The following TPCN2 variants were observed in gnomAD, a reference collection of about 807,000 sequenced individuals.
The protein encoded by TPCN2 is two pore segment channel 2.
TPCN2 carries 92 observed loss-of-function variants against 111.4 expected under a neutral mutation model. That is an observed-to-expected ratio of 0.83 (90% CI 0.70 to 0.98). The LOEUF (loss-of-function observed/expected upper bound fraction) is 0.98, where lower values mean the gene tolerates loss of function less well. Among genes scored for constraint, TPCN2 ranks in the 50% least tolerant of loss-of-function variants. The pLI, the probability that TPCN2 is intolerant of heterozygous loss-of-function variation, is 0.00. For synonymous variants in TPCN2, 405 were observed against 414.5 expected (o/e 0.98, Z 0.28); for missense variants, 995 against 980.1 (o/e 1.02, Z -0.20).
intron 18 of TPCN2, among the ~76,000 whole-genome samples, chr11:69,083,017 CAT>C (rs1431762540): frequency 1.4e-5 from 2 of 145,520 alleles, no homozygotes; most frequent in South Asian, 2.2e-4. Context: ...TGTGTGCACA[CAT>C]CGCATGCAGA....
intron 20 of TPCN2, 25 bp downstream of exon 20, chr11:69,085,311 A>AG: frequency 1.3e-6 from 1 of 742,326 alleles, no homozygotes; most frequent in Non-Finnish European, 2.2e-6. Context: ...GAGGTGCCAC[A>AG]GGGAGTGTCT....
chr11:69,070,421 T>C lies in TPCN2; in HGVS notation c.830-9T>C. 1.9e-6 allele frequency: 3 copies of C among 1,608,814 alleles called. No individual in the cohort carries two copies. Among genetic ancestry groups the C allele is most frequent in the South Asian group, 2.2e-5 (2 of 91,010 alleles). On this transcript the variant is annotated splice_polypyrimidine_tract_variant and intron_variant, in intron 8 of 24. Transcript: ENST00000294309. Reference sequence around the variant, plus strand: ...GTTGTCAGTTTCTGTTATTTCTTTTTTCTTTTAGTGATGATTCCTGCGTAT... The same window carrying C: ...GTTGTCAGTTTCTGTTATTTCTTTTCTCTTTTAGTGATGATTCCTGCGTAT...
chr11:69,085,693 G>A lies in TPCN2; in HGVS notation c.1861G>A (p.Ala621Thr), dbSNP rs779088807. ...NSSLAPANGSAPCGSFEQLEY... is the reference protein window; with the variant it reads ...NSSLAPANGSTPCGSFEQLEY... ...CAGCCTGGCCCCTGCCAATGGCTCGGCGCCCTGTGGGAGCTTCGAGCAGCT... is the reference window on the plus strand; with the variant it reads ...CAGCCTGGCCCCTGCCAATGGCTCGACGCCCTGTGGGAGCTTCGAGCAGCT... The change falls in exon 21 of 25, where the codon GCG (alanine) becomes ACG (threonine). Residue 621 changes from alanine to threonine, a missense_variant. Ala to Thr is a moderately conservative substitution (Grantham distance 58). Transcript: ENST00000294309. The A allele has an allele frequency of 1.9e-6, 3 of 1,613,708 alleles. No individual in the cohort carries two copies. Among genetic ancestry groups the A allele is most frequent in the African/African-American group, 1.3e-5 (1 of 74,904 alleles).
rs1375743915 is a variant in TPCN2, at chr11:69,050,212, T to C, written c.109+1106T>C. Among the ~76,000 whole-genome samples the C allele has an allele frequency of 2.6e-5, 4 of 152,200 alleles. No homozygotes were observed. The East Asian group carries it at 7.7e-4, about 29-fold the overall frequency. ...GCCTCCAGGAAGTTCTTCAGGTGCT[T>C]CCTGGGACCAGTCAGGAAGGAGATC... On this transcript the variant is annotated intron_variant, in intron 1 of 24. Coordinates refer to ENST00000294309, the MANE Select transcript of TPCN2 (RefSeq NM_139075.4).
chr11:69,084,068 G>A (rs762267659), intron 19 of TPCN2, 52 bp downstream of exon 19: 2 of 1,586,896 alleles, frequency 1.3e-6, no homozygotes, highest in Admixed American at 3.3e-5. Flanking sequence ...GTGGGAGGCT[G>A]GGAGGCTGGC....
intron 6 of TPCN2, 21 bp from the exon 7 acceptor site, chr11:69,063,874 G>T (rs753156021): frequency 1.2e-6 from 2 of 1,612,802 alleles, no homozygotes; most frequent in South Asian, 1.1e-5. Context: ...GGCCCAGGCT[G>T]AGTGCCGTGC....
At chr11:69,049,247 T>A (rs964379830) in intron 1 of TPCN2, 141 bp downstream of exon 1, 1 of 495,474 alleles carries the variant, frequency 2.0e-6, no homozygotes, top group African/African-American at 2.0e-5. Context: ...CCGCGCCGGG[T>A]GCCAGGCGAG....
intron 13 of TPCN2, among the ~76,000 whole-genome samples, chr11:69,075,004 C>T (rs10792019): frequency 0.44 from 66,212 of 151,990 alleles, 14,833 homozygotes; most frequent in Non-Finnish European, 0.5. Context: ...GGAGGAAGGG[C>T]GGATGGATTG....
chr11:69,069,207 A>C (rs1855405088), intron 8 of TPCN2, among the ~76,000 whole-genome samples: 1 of 139,238 alleles, frequency 7.2e-6, no homozygotes, highest in Non-Finnish European at 1.5e-5. Context: ...CAGGGGGAGC[A>C]GGACCGTCTG....
rs142267067 is a variant in TPCN2, at chr11:69,080,582, G to T, written c.1589+699G>T. Among the ~76,000 whole-genome samples the T allele has an allele frequency of 9.1e-3, 1,381 of 152,342 alleles. 8 individuals are homozygous for T. The highest frequency in any genetic ancestry group is 0.016 in the Non-Finnish European group (1,060 of 68,032). ...CCAGCATGCCAGCCTCGGCCCTGTG[G>T]TTAGGCCGGGCTCCTTGGGTCTCTG... On this transcript the variant is annotated intron_variant, in intron 17 of 24. Transcript: ENST00000294309.
intron 22 of TPCN2, 68 bp downstream of exon 22, chr11:69,085,998 C>T (rs772016269): frequency 4.5e-4 from 665 of 1,465,258 alleles, no homozygotes; most frequent in Non-Finnish European, 5.5e-4. Context: ...CCTCCGGGCA[C>T]GCTGCATCTG....
At chr11:69,084,090 C>T (rs1164162921) in intron 19 of TPCN2, 74 bp downstream of exon 19, 3 of 1,458,162 alleles carry the variant, frequency 2.1e-6, no homozygotes, top group Admixed American at 3.4e-5. Context: ...GAAGGCAGTG[C>T]CGGGCCGGCT....
At chr11:69,078,707 G>A (rs1855891637) in intron 14 of TPCN2, 27 bp from the exon 15 acceptor site, 19 of 1,613,684 alleles carry the variant, frequency 1.2e-5, no homozygotes, top group South Asian at 3.3e-5. Flanking sequence ...TGGGCCAGCC[G>A]GCGAGCCCTC....
chr11:69,075,661 C>T (rs1316049191), intron 13 of TPCN2, among the ~76,000 whole-genome samples: 4 of 152,174 alleles, frequency 2.6e-5, no homozygotes, highest in Admixed American at 1.3e-4. Flanking sequence ...GGCAGGCTGA[C>T]GTCATGGGAG....
chr11:69,061,645 G>A (rs953909640), intron 5 of TPCN2, among the ~76,000 whole-genome samples: 1 of 152,176 alleles, frequency 6.6e-6, no homozygotes, highest in African/African-American at 2.4e-5. Flanking sequence ...CGCCAGGCAG[G>A]ATGGGAAGGT....
chr11:69,075,164 G>A (rs1855700639), intron 13 of TPCN2, among the ~76,000 whole-genome samples: 1 of 152,162 alleles, frequency 6.6e-6, no homozygotes, highest in Non-Finnish European at 1.5e-5. Flanking sequence ...GCTTTGAGAT[G>A]GGAGTTTAGG....
At position 69,085,193 on chromosome 11, in the gene TPCN2, G is replaced by T. The variant is rs900611190; in HGVS notation, c.1762-17G>T. The stretch of plus-strand genomic sequence containing the variant: ...CCATGGGTGGGGCTGATCAGTCCCC[G>T]GCTCCTGGCCCGCCAGGTGGTCTAC... On this transcript the variant is annotated splice_polypyrimidine_tract_variant and intron_variant, in intron 19 of 24. Transcript: ENST00000294309. The T allele has an allele frequency of 1.2e-6, 2 of 1,613,628 alleles. No homozygotes were observed. Among genetic ancestry groups the T allele is most frequent in the East Asian group, 2.2e-5 (1 of 44,878 alleles).
At chr11:69,057,247 T>C (rs1854813223) in intron 4 of TPCN2, among the ~76,000 whole-genome samples, 1 of 152,250 alleles carries the variant, frequency 6.6e-6, no homozygotes, top group Admixed American at 6.5e-5. Context: ...GAGCTGGTAT[T>C]TTTCTAGCCT....
Position 69,054,048 on chromosome 11 carries a change from G to T in TPCN2, c.125G>T (p.Trp42Leu). ...CTGCCTGCAGGTGCCGCGGCCAGGT[G>T]GGACCTCTGCATTGATCAGGCTGTG... Reference protein sequence around the residue: ...IQVGPGAAARWDLCIDQAVVF... With the variant: ...IQVGPGAAARLDLCIDQAVVF... Residue 42 changes from tryptophan (W) to leucine (L), a missense_variant, in exon 2 of 25, where the codon TGG becomes TTG. Transcript: ENST00000294309. The T allele has an allele frequency of 6.2e-7, 1 of 1,613,858 alleles. No homozygotes were observed. Among genetic ancestry groups the T allele is most frequent in the South Asian group, 1.1e-5 (1 of 91,076 alleles).
Sources: gnomAD v4.1 joint callset for allele counts (sites outside exome capture counted in the v4.1 genomes callset) on GRCh38, gnomAD v4.1.1 for gene constraint, MANE v1.5 for transcripts, NCBI Gene and HGNC (gene_info 2026-07-23, HGNC 2026-07-21) for gene names.